RTP1: variants seen among roughly 807,000 people sequenced by gnomAD.
RTP1 encodes receptor-transporting protein 1.
Under a neutral mutation model 27.1 loss-of-function variants are expected in RTP1, and 24 were observed. The ratio of observed to expected loss-of-function variants is 0.89; its 90% CI spans 0.64 to 1.25. The LOEUF (loss-of-function observed/expected upper bound fraction) is 1.25. Among genes scored for constraint, RTP1 ranks in the 50% most tolerant of loss-of-function variants. The probability of loss-of-function intolerance (pLI) is 0.00; values close to 1 mark genes in which losing one functional copy is unlikely to be tolerated. For synonymous variants in RTP1, 148 were observed against 148.1 expected (o/e 1.00, Z 0.00); for missense variants, 338 against 351.6 (o/e 0.96, Z 0.31).
intron 1 of RTP1, among the ~76,000 whole-genome samples, chr3:187,198,874 G>A (rs1162182760): frequency 6.6e-6 from 1 of 152,172 alleles, no homozygotes; most frequent in Non-Finnish European, 1.5e-5. Context: ...GACAGGAGGG[G>A]TGTCAAGGGC....
chr3:187,197,966 T>A, intron 1 of RTP1, 179 bp downstream of exon 1: 1 of 609,148 alleles, frequency 1.6e-6, no homozygotes, highest in Non-Finnish European at 2.8e-6. Flanking sequence ...GACACTTGAG[T>A]TGGATTTCAG....
In RTP1 at chr3:187,199,551, G is replaced by A. The variant is rs747053839; in HGVS notation, c.273G>A (p.Arg91=). The A allele has an allele frequency of 6.3e-7, 1 of 1,585,336 alleles. No homozygotes were observed. The highest frequency in any genetic ancestry group is 1.1e-5 in the South Asian group (1 of 87,780). The change falls in exon 2 of 2, where the codon AGG becomes AGA. Residue 91 remains arginine, a splice_region_variant and synonymous_variant. Coordinates refer to ENST00000312295, the MANE Select transcript of RTP1 (RefSeq NM_153708.3). ...CCTCCCTCTCCTCCCGTCTCCGCAG[G>A]TTCCACTGCTCCTGGTGCTGGCACA... ...KQYLELHASG[R]FHCSWCWHTW... is the part of the protein sequence containing the mutation.
intron 1 of RTP1, 122 bp from the exon 2 acceptor site, chr3:187,199,429 G>A (rs937112496): frequency 8.7e-6 from 10 of 1,144,894 alleles, no homozygotes; most frequent in African/African-American, 7.8e-5. Context: ...CCAGGGCGCC[G>A]GCAACACACT....
Position 187,199,582 on chromosome 3 carries a change from C to A in RTP1, c.304C>A (p.Gln102Lys). ...CTGCTCCTGGTGCTGGCACACCTGG[C>A]AGTCGCCCTACGTGGTCATCCTCTT... ...FHCSWCWHTW[Q>K]SPYVVILFHM... is the part of the protein sequence containing the mutation. Residue 102 changes from glutamine to lysine, a missense_variant, in exon 2 of 2, where the codon CAG becomes AAG. By Grantham distance (53) the Gln-to-Lys change is moderately conservative (BLOSUM62 1). Coordinates refer to ENST00000312295, the MANE Select transcript of RTP1 (RefSeq NM_153708.3). 1 of 1,597,962 alleles carries A rather than the reference C, an allele frequency of 6.3e-7. No individual in the cohort carries two copies.
rs768075508 is a variant in RTP1, at chr3:187,199,891, G to C, written c.613G>C (p.Glu205Gln). The change falls in exon 2 of 2, where the codon GAG becomes CAG. Residue 205 changes from glutamate (E) to glutamine (Q), a missense_variant. This residue lies in a region of RTP1 where 252 missense variants were observed against 231.5 expected (regional missense o/e 1.09). Coordinates refer to ENST00000312295, the MANE Select transcript of RTP1 (RefSeq NM_153708.3). ...QEGIVHWKPS[E>Q]KLLEEEATTY... The stretch of plus-strand genomic sequence containing the variant: ...GGGCATCGTGCACTGGAAGCCCAGC[G>C]AGAAGCTGCTGGAGGAGGAGGCGAC... The C allele has an allele frequency of 6.3e-7, 1 of 1,592,802 alleles. No individual in the cohort carries two copies. Among genetic ancestry groups the C allele is most frequent in the South Asian group, 1.1e-5 (1 of 89,098 alleles).
chr3:187,199,913 C>T lies in RTP1; in HGVS notation c.635C>T (p.Ala212Val), dbSNP rs35053281. 1.4e-5 allele frequency: 23 copies of T among 1,592,240 alleles called. No homozygotes were observed. In the Admixed American group the frequency reaches 2.0e-4, roughly 14 times the overall value. ...AGCGAGAAGCTGCTGGAGGAGGAGG[C>T]GACCACCTACACCTTCTCCCGGGCG... Reference protein sequence around the residue: ...KPSEKLLEEEATTYTFSRAPS... With the variant: ...KPSEKLLEEEVTTYTFSRAPS... Residue 212 changes from alanine to valine, a missense_variant, in exon 2 of 2, where the codon GCG becomes GTG. Physicochemically the swap from Ala to Val is moderately conservative, Grantham distance 64. Around this residue, in one of 3 missense-constraint regions of RTP1, gnomAD observed 252 missense variants for 231.5 expected, o/e 1.09. Transcript: ENST00000312295.
Position 187,199,700 on chromosome 3 carries a change from A to G in RTP1, c.422A>G (p.Asp141Gly), listed in dbSNP as rs766303769. 38 of 1,612,654 alleles carry G rather than the reference A, an allele frequency of 2.4e-5. No homozygotes were observed. The African/African-American group carries it at 4.9e-4, about 21-fold the overall frequency. ...LCYECGTARL[D>G]ESSMLEENIE... is the part of the protein sequence containing the mutation. ...TATGAGTGCGGCACGGCGCGGCTGG[A>G]CGAGTCCAGCATGCTGGAGGAGAAC... Residue 141 changes from aspartate to glycine, a missense_variant, in exon 2 of 2, where the codon GAC (aspartate) becomes GGC (glycine). Physicochemically the swap from Asp to Gly is moderately conservative, Grantham distance 94. Around this residue, in one of 3 missense-constraint regions of RTP1, gnomAD observed 252 missense variants for 231.5 expected, o/e 1.09. Transcript: ENST00000312295.
intron 1 of RTP1, 56 bp downstream of exon 1, chr3:187,197,843 G>A (rs1158530626): frequency 6.5e-7 from 1 of 1,544,372 alleles, no homozygotes; most frequent in South Asian, 1.2e-5. Context: ...CCTAGCTCTG[G>A]GGCACCTTCC....
chr3:187,199,493 G>T (rs2108488217), intron 1 of RTP1, 58 bp from the exon 2 acceptor site: 1 of 1,530,748 alleles, frequency 6.5e-7, no homozygotes, highest in Non-Finnish European at 8.9e-7. Context: ...CCATTCCTAG[G>T]GCTGTTTCCA....
chr3:187,199,455 C>T, intron 1 of RTP1, 96 bp from the exon 2 acceptor site: 1 of 1,364,214 alleles, frequency 7.3e-7, no homozygotes, highest in South Asian at 1.4e-5. Flanking sequence ...CACCTCCAGG[C>T]TCTGCTTAGC....
At position 187,199,827 on chromosome 3, in the gene RTP1, C is replaced by G. The variant is rs1219320306; in HGVS notation, c.549C>G (p.Asn183Lys). 3 of 1,608,692 alleles carry G rather than the reference C, an allele frequency of 1.9e-6. No homozygotes were observed. The highest frequency in any genetic ancestry group is 2.6e-6 in the Non-Finnish European group (3 of 1,175,874). Reference protein sequence around the residue: ...YRIHVASRQDNRRHRGEFCEA... With the variant: ...YRIHVASRQDKRRHRGEFCEA... ...TCCACGTGGCCAGCCGCCAGGACAA[C>G]CGGCGGCACCGCGGAGAGTTCTGCG... is the stretch of plus-strand genomic sequence containing the variant. Residue 183 changes from asparagine to lysine, a missense_variant, in exon 2 of 2, where the codon AAC becomes AAG. Transcript: ENST00000312295.
chr3:187,200,102 G>A lies in RTP1; in HGVS notation c.*32G>A. Reference sequence around the variant, plus strand: ...GTGGTTGGGCCCAGAGCCTGTCGAGGGTGCCAGTTAGCTGATGCGAGGGTA... The same window carrying A: ...GTGGTTGGGCCCAGAGCCTGTCGAGAGTGCCAGTTAGCTGATGCGAGGGTA... On this transcript the variant is annotated 3_prime_UTR_variant, in exon 2 of 2. Coordinates refer to ENST00000312295, the MANE Select transcript of RTP1 (RefSeq NM_153708.3). 6.7e-7 allele frequency: 1 copy of A among 1,483,566 alleles called. No homozygotes were observed. The highest frequency in any genetic ancestry group is 9.0e-7 in the Non-Finnish European group (1 of 1,113,828). 91.9% of individuals were successfully genotyped at this position (1,483,566 alleles called of 1,614,324 possible).
In RTP1 at chr3:187,197,720, C is replaced by G; in HGVS notation, c.205C>G (p.Pro69Ala). The G allele has an allele frequency of 6.2e-7, 1 of 1,614,144 alleles. No homozygotes were observed. The highest frequency in any genetic ancestry group is 1.1e-5 in the South Asian group (1 of 91,076). Residue 69 changes from proline (P) to alanine (A), a missense_variant, in exon 1 of 2, where the codon CCC (proline) becomes GCC (alanine). By Grantham distance (27) the Pro-to-Ala change is conservative. This residue lies in a region of RTP1 where 22 missense variants were observed against 45.6 expected (regional missense o/e 0.48). Transcript: ENST00000312295. ...PADSWDLIID[P>A]NLKHNVLSPG... ...TGACAGCTGGGACCTCATCATAGACCCCAACCTCAAGCACAATGTGCTGAG... is the reference window on the plus strand; with the variant it reads ...TGACAGCTGGGACCTCATCATAGACGCCAACCTCAAGCACAATGTGCTGAG...
At chr3:187,199,051 G>C (rs114203144) in intron 1 of RTP1, among the ~76,000 whole-genome samples, 512 of 152,286 alleles carry the variant, frequency 3.4e-3, no homozygotes, top group Non-Finnish European at 6.0e-3. Flanking sequence ...GGCACAGACT[G>C]CCTCCACCTC....
rs1305799032 is a variant in RTP1, at chr3:187,201,337, C to G, written c.*1267C>G. The G allele has an allele frequency of 2.0e-5, 3 of 152,146 alleles. No homozygotes were observed. Among genetic ancestry groups the G allele is most frequent in the Non-Finnish European group, 4.4e-5 (3 of 68,036 alleles). The allele number at this position is 152,146 out of a possible 1,614,324, so 9.4% of individuals were successfully genotyped here. A position where few individuals can be genotyped will look rare whatever the true frequency, so the allele number is the denominator to read the frequency against. On this transcript the variant is annotated 3_prime_UTR_variant, in exon 2 of 2. Transcript: ENST00000312295. ...CTGCACTTTTGAGGGGCCTCATTTA[C>G]CCCACCTCTGTTAAAAACTTGACTA... is the stretch of plus-strand genomic sequence containing the variant.
In RTP1 at chr3:187,200,450, C is replaced by CAA. The variant is rs9331294; in HGVS notation, c.*398_*399dup. On this transcript the variant is annotated 3_prime_UTR_variant, in exon 2 of 2. Coordinates refer to ENST00000312295, the MANE Select transcript of RTP1 (RefSeq NM_153708.3). Reference sequence around the variant, plus strand: ...AGGGTTCCATTTAAGATTTTTGTACCAAAAAAAAAAAAAAAAAAAGTTTAA... The same window carrying CAA: ...AGGGTTCCATTTAAGATTTTTGTACCAAAAAAAAAAAAAAAAAAAAAGTTTAA... 0.038 allele frequency: 4,456 copies of CAA among 116,186 alleles called. 73 individuals are homozygous for CAA. Among genetic ancestry groups the CAA allele is most frequent in the Non-Finnish European group, 0.045 (2,354 of 52,598 alleles). 7.2% of individuals were successfully genotyped at this position (116,186 alleles called of 1,614,324 possible).
Position 187,199,703 on chromosome 3 carries a change from A to G in RTP1, c.425A>G (p.Glu142Gly), listed in dbSNP as rs1399249529. The change falls in exon 2 of 2, where the codon GAG (glutamate) becomes GGG (glycine). Residue 142 changes from glutamate (E) to glycine (G), a missense_variant. Physicochemically the swap from Glu to Gly is moderately conservative, Grantham distance 98 (BLOSUM62 -2). Transcript: ENST00000312295. ...CYECGTARLD[E>G]SSMLEENIEG... ...GAGTGCGGCACGGCGCGGCTGGACG[A>G]GTCCAGCATGCTGGAGGAGAACATC... The G allele has an allele frequency of 6.2e-7, 1 of 1,613,066 alleles. No individual in the cohort carries two copies. The highest frequency in any genetic ancestry group is 8.5e-7 in the Non-Finnish European group (1 of 1,179,266).
In RTP1 at chr3:187,199,913, C is replaced by G. The variant is rs35053281; in HGVS notation, c.635C>G (p.Ala212Gly). ...KPSEKLLEEE[A>G]TTYTFSRAPS... ...AGCGAGAAGCTGCTGGAGGAGGAGGCGACCACCTACACCTTCTCCCGGGCG... is the reference window on the plus strand; with the variant it reads ...AGCGAGAAGCTGCTGGAGGAGGAGGGGACCACCTACACCTTCTCCCGGGCG... Residue 212 changes from alanine (A) to glycine (G), a missense_variant, in exon 2 of 2, where the codon GCG becomes GGG. This residue lies in a region of RTP1 where 252 missense variants were observed against 231.5 expected (regional missense o/e 1.09). Coordinates refer to ENST00000312295, the MANE Select transcript of RTP1 (RefSeq NM_153708.3). 19 of 1,592,242 alleles carry G rather than the reference C, an allele frequency of 1.2e-5. No individual in the cohort carries two copies. Among genetic ancestry groups the G allele is most frequent in the African/African-American group, 5.4e-5 (4 of 74,560 alleles).
At position 187,201,179 on chromosome 3, in the gene RTP1, C is replaced by G. The variant is rs543265934; in HGVS notation, c.*1109C>G. 1.3e-5 allele frequency: 2 copies of G among 152,298 alleles called. No homozygotes were observed. Among genetic ancestry groups the G allele is most frequent in the South Asian group, 4.1e-4 (2 of 4,826 alleles). 9.4% of individuals were successfully genotyped at this position (152,298 alleles called of 1,614,324 possible). A position where few individuals can be genotyped will look rare whatever the true frequency, so the allele number is the denominator to read the frequency against. On this transcript the variant is annotated 3_prime_UTR_variant, in exon 2 of 2. Transcript: ENST00000312295. The stretch of plus-strand genomic sequence containing the variant: ...CGTTAAAGATGTAAAATGCTTTGTC[C>G]ATGGGGAAGTGCACAGATATGTGGG...
Sources: allele counts gnomAD v4.1 joint callset (sites outside exome capture counted in the v4.1 genomes callset), GRCh38; gene constraint gnomAD v4.1.1; regional missense constraint gnomAD v4.1.1; transcripts MANE v1.5; gene names NCBI Gene and HGNC (gene_info 2026-07-23, HGNC 2026-07-21).